The following ZNG1A variants were observed in gnomAD, a reference collection of about 807,000 sequenced individuals.
ZNG1A encodes the protein zinc-regulated GTPase metalloprotein activator 1A.
At chr9:171,114 C>G in the ZNG1A span, among the ~76,000 whole-genome samples, 1 of 151,646 alleles carries the variant, frequency 6.6e-6, no homozygotes, top group African/African-American at 2.4e-5. Flanking sequence ...GGTATGAAAA[C>G]CCATGCCTAC....
chr9:122,016 C>G, the ZNG1A span: 2 of 1,611,284 alleles, frequency 1.2e-6, no homozygotes, highest in African/African-American at 2.7e-5. Context: ...TCACTGGAGT[C>G]TCCTCCAGAT....
chr9:139,902 G>A, the ZNG1A span, among the ~76,000 whole-genome samples: 1 of 150,716 alleles, frequency 6.6e-6, no homozygotes, highest in Non-Finnish European at 1.5e-5. Flanking sequence ...AGGGGTGACA[G>A]ACGGCACCTG....
At chr9:177,871 A>G in the ZNG1A span, 1 of 1,441,992 alleles carries the variant, frequency 6.9e-7, no homozygotes, top group South Asian at 1.3e-5. Flanking sequence ...CTTCCGAGCA[A>G]AAAACGGGAA....
chr9:124,099 G>T, the ZNG1A span, among the ~76,000 whole-genome samples: 14 of 152,234 alleles, frequency 9.2e-5, no homozygotes, highest in African/African-American at 3.4e-4. Flanking sequence ...TTAGTAAGGG[G>T]GACATCATCA....
chr9:177,255 T>C, the ZNG1A span, among the ~76,000 whole-genome samples: 6 of 152,134 alleles, frequency 3.9e-5, no homozygotes, highest in Non-Finnish European at 4.4e-5. Context: ...TTTTAACCCA[T>C]AGGGATGCCA....
At chr9:177,707 T>G in the ZNG1A span, 13 of 1,464,500 alleles carry the variant, frequency 8.9e-6, no homozygotes, top group African/African-American at 1.3e-4. Flanking sequence ...TTTTCTCCAG[T>G]GATCTACTGA....
chr9:140,336 C>T, the ZNG1A span, among the ~76,000 whole-genome samples: 2 of 151,826 alleles, frequency 1.3e-5, no homozygotes, highest in East Asian at 3.9e-4. Flanking sequence ...AGACTGCCTC[C>T]TCAAGTGGGT....
chr9:121,452 G>A, the ZNG1A span: 2 of 1,608,126 alleles, frequency 1.2e-6, no homozygotes, highest in Non-Finnish European at 1.7e-6. Context: ...CTTTTGATAA[G>A]AAATGCCTCT....
the ZNG1A span, among the ~76,000 whole-genome samples, chr9:128,577 T>TACAAAAA: frequency 6.8e-6 from 1 of 146,560 alleles, no homozygotes; most frequent in African/African-American, 2.6e-5. Flanking sequence ...TATTTCTCCC[T>TACAAAAA]TTACTTCTTG....
chr9:157,582 A>C, the ZNG1A span, among the ~76,000 whole-genome samples: 2 of 147,888 alleles, frequency 1.4e-5, no homozygotes, highest in African/African-American at 5.0e-5. Flanking sequence ...TTTCATTTAT[A>C]AAGGAAGAAA....
At chr9:138,818 C>G in the ZNG1A span, among the ~76,000 whole-genome samples, 1 of 149,636 alleles carries the variant, frequency 6.7e-6, no homozygotes, top group East Asian at 1.9e-4. Flanking sequence ...ATGGGAGGAT[C>G]ACTTGAGCCC....
chr9:155,373 G>C, the ZNG1A span, among the ~76,000 whole-genome samples: 1 of 151,286 alleles, frequency 6.6e-6, no homozygotes, highest in Non-Finnish European at 1.5e-5. Flanking sequence ...GATCCCTTAA[G>C]CCCAGGAGTT....
chr9:136,132 T>A, the ZNG1A span, among the ~76,000 whole-genome samples: 2 of 81,260 alleles, frequency 2.5e-5, 1 homozygote, highest in East Asian at 8.3e-4. Flanking sequence ...AACGAACATT[T>A]AAGTTTAGTT....
the ZNG1A span, among the ~76,000 whole-genome samples, chr9:174,377 T>C: frequency 6.6e-6 from 1 of 152,058 alleles, no homozygotes; most frequent in Non-Finnish European, 1.5e-5. Context: ...TTTTTTATAT[T>C]TCAGCTAGGT....
At chr9:146,340 A>C in the ZNG1A span, 14 of 551,876 alleles carry the variant, frequency 2.5e-5, no homozygotes, top group African/African-American at 2.5e-4. Context: ...ACTTCAATGA[A>C]TTAGGTTTCT....
At chr9:174,774 A>G in the ZNG1A span, among the ~76,000 whole-genome samples, 9,775 of 146,260 alleles carry the variant, frequency 0.067, 622 homozygotes, top group African/African-American at 0.17. Flanking sequence ...GGCTAGAAGT[A>G]AGCTTTGATT....
At chr9:157,275 C>G in the ZNG1A span, among the ~76,000 whole-genome samples, 409 of 147,346 alleles carry the variant, frequency 2.8e-3, 2 homozygotes, top group African/African-American at 9.8e-3. Context: ...TGGAGGCAAG[C>G]TTTGTTGTCT....
chr9:126,926 T>C, the ZNG1A span, among the ~76,000 whole-genome samples: 2 of 152,156 alleles, frequency 1.3e-5, no homozygotes, highest in South Asian at 4.1e-4. Context: ...ATTTCCATCT[T>C]GATTTCATCT....
chr9:175,944 A>C, the ZNG1A span, among the ~76,000 whole-genome samples: 1 of 150,334 alleles, frequency 6.7e-6, no homozygotes, highest in Non-Finnish European at 1.5e-5. Context: ...CATCCTTCGA[A>C]ACCTGTTGCA....
Sources: gnomAD v4.1 joint callset for allele counts (sites outside exome capture counted in the v4.1 genomes callset) on GRCh38, gnomAD v4.1.1 for gene constraint, MANE v1.5 for transcripts, NCBI Gene and HGNC (gene_info 2026-07-23, HGNC 2026-07-21) for gene names.